Variants in GRID2 observed in about 807,000 individuals in gnomAD.
GRID2 encodes glutamate ionotropic receptor delta type subunit 2, also known as glutamate receptor ionotropic, delta-2.
In GRID2, 33 loss-of-function variants were observed where a neutral mutation model predicts 114.8. The observed-to-expected ratio is 0.29, with a 90% CI of 0.22 to 0.38. GRID2 has a LOEUF of 0.38. Ranked by LOEUF, GRID2 falls within the 10% of genes least tolerant of loss-of-function variation. The probability of loss-of-function intolerance (pLI) is 1.00; values close to 1 mark genes in which losing one functional copy is unlikely to be tolerated. For missense variants in GRID2, 1,184 were observed against 1,257.7 expected, an observed-to-expected ratio of 0.94 and a Z score of 0.89; for synonymous variants, 505 against 449.9, an observed-to-expected ratio of 1.12 and a Z score of -1.55.
intron 2 of GRID2, among the ~76,000 whole-genome samples, chr4:92,710,290 G>A (rs1443374731): frequency 6.6e-6 from 1 of 152,098 alleles, no homozygotes; most frequent in East Asian, 1.9e-4. Flanking sequence ...AAAATAGTAA[G>A]TACTAAATAA....
chr4:92,746,644 C>T (rs1394843003), intron 2 of GRID2, among the ~76,000 whole-genome samples: 2 of 152,096 alleles, frequency 1.3e-5, no homozygotes, highest in East Asian at 1.9e-4. Context: ...CATCTCTTTA[C>T]GTACTTACAG....
chr4:92,475,595 T>C (rs537898656), intron 1 of GRID2, among the ~76,000 whole-genome samples: 4 of 152,084 alleles, frequency 2.6e-5, no homozygotes, highest in African/African-American at 9.6e-5. Flanking sequence ...TTTTTTGAAA[T>C]CCAGGTAGAG....
intron 2 of GRID2, among the ~76,000 whole-genome samples, chr4:92,671,041 AG>A (rs1733036875): frequency 6.6e-6 from 1 of 152,158 alleles, no homozygotes; most frequent in South Asian, 2.1e-4. Context: ...ATTGCTATAA[AG>A]AACTACCTGA....
chr4:93,696,215 T>C (rs901864431), intron 14 of GRID2, among the ~76,000 whole-genome samples: 2 of 152,226 alleles, frequency 1.3e-5, no homozygotes, highest in African/African-American at 4.8e-5. Context: ...GGCTGATCTT[T>C]GTCATCTTCC....
chr4:92,847,190 CT>C (rs2149417579), intron 2 of GRID2, among the ~76,000 whole-genome samples: 1 of 152,110 alleles, frequency 6.6e-6, no homozygotes, highest in Non-Finnish European at 1.5e-5. Flanking sequence ...AATAGACAAC[CT>C]CTTCCTTTTC....
At chr4:93,054,472 G>A (rs1442851022) in intron 2 of GRID2, among the ~76,000 whole-genome samples, 1 of 151,726 alleles carries the variant, frequency 6.6e-6, no homozygotes, top group Admixed American at 6.6e-5. Flanking sequence ...TTGTATATTT[G>A]TATACCATTT....
chr4:93,441,491 T>G (rs6822249), intron 10 of GRID2, among the ~76,000 whole-genome samples: 31,690 of 151,824 alleles, frequency 0.21, 6,150 homozygotes, highest in African/African-American at 0.52. Flanking sequence ...CTCTTTCTCT[T>G]TTTTTGCAAT....
chr4:93,018,351 T>C (rs1041783194), intron 2 of GRID2, among the ~76,000 whole-genome samples: 1 of 152,156 alleles, frequency 6.6e-6, no homozygotes, highest in Non-Finnish European at 1.5e-5. Context: ...ACAGTGTCAT[T>C]ACTTATTACA....
chr4:92,764,255 G>A (rs1041869989), intron 2 of GRID2, among the ~76,000 whole-genome samples: 1 of 152,002 alleles, frequency 6.6e-6, no homozygotes, highest in African/African-American at 2.4e-5. Context: ...CCATTTGTTT[G>A]CCTGGTCAAA....
intron 14 of GRID2, among the ~76,000 whole-genome samples, chr4:93,716,256 A>C (rs556513235): frequency 1.3e-4 from 20 of 152,258 alleles, no homozygotes; most frequent in African/African-American, 4.8e-4. Context: ...AGGATAAAAG[A>C]TATAGAAAAG....
intron 2 of GRID2, among the ~76,000 whole-genome samples, chr4:92,687,806 G>A (rs1464735534): frequency 6.6e-6 from 1 of 151,978 alleles, no homozygotes; most frequent in East Asian, 2.0e-4. Context: ...TCCAGCCTGG[G>A]CGACAAAGCA....
intron 13 of GRID2, among the ~76,000 whole-genome samples, chr4:93,548,020 T>G (rs1227791778): frequency 6.6e-6 from 1 of 151,844 alleles, no homozygotes; most frequent in Non-Finnish European, 1.5e-5. Context: ...CTACTAAAAA[T>G]ACAAAAATTA....
intron 1 of GRID2, among the ~76,000 whole-genome samples, chr4:92,366,149 C>CT (rs1247217009): frequency 6.6e-6 from 1 of 151,898 alleles, no homozygotes; most frequent in Admixed American, 6.6e-5. Context: ...ATAATACTTT[C>CT]TTTTTTGTAG....
At chr4:93,132,439 T>G (rs1433664401) in intron 4 of GRID2, among the ~76,000 whole-genome samples, 3 of 152,144 alleles carry the variant, frequency 2.0e-5, no homozygotes, top group Non-Finnish European at 4.4e-5. Flanking sequence ...CCTGGCTGAT[T>G]TTAAACACCT....
At chr4:93,227,893 A>G (rs1248711307) in intron 7 of GRID2, among the ~76,000 whole-genome samples, 1 of 152,166 alleles carries the variant, frequency 6.6e-6, no homozygotes, top group Non-Finnish European at 1.5e-5. Context: ...CCGTATTTTT[A>G]TGAGTATTCT....
intron 2 of GRID2, among the ~76,000 whole-genome samples, chr4:92,616,963 G>A (rs1286070100): frequency 6.6e-6 from 1 of 151,342 alleles, no homozygotes; most frequent in Non-Finnish European, 1.5e-5. Context: ...AGTGTTGTGT[G>A]ATACATATAA....
At chr4:92,353,688 C>T (rs1287389252) in intron 1 of GRID2, among the ~76,000 whole-genome samples, 3 of 152,014 alleles carry the variant, frequency 2.0e-5, no homozygotes, top group Non-Finnish European at 4.4e-5. Context: ...ACCAGCCTTT[C>T]CAGATTGGCT....
intron 2 of GRID2, among the ~76,000 whole-genome samples, chr4:93,027,286 G>A (rs566509161): frequency 3.9e-4 from 59 of 152,168 alleles, no homozygotes; most frequent in Non-Finnish European, 6.0e-4. Flanking sequence ...TTTCACTGAT[G>A]CATAGCAGTT....
At chr4:92,614,938 G>A (rs1021748719) in intron 2 of GRID2, among the ~76,000 whole-genome samples, 9 of 147,780 alleles carry the variant, frequency 6.1e-5, no homozygotes, top group Non-Finnish European at 1.3e-4. Flanking sequence ...TTTATACTTT[G>A]CTATGTTTTT....
Sources: gnomAD v4.1 joint callset for allele counts (sites outside exome capture counted in the v4.1 genomes callset) on GRCh38, gnomAD v4.1.1 for gene constraint, MANE v1.5 for transcripts, NCBI Gene and HGNC (gene_info 2026-07-23, HGNC 2026-07-21) for gene names.